SLC38A12: variants seen among roughly 807,000 people sequenced by gnomAD.
SLC38A12 encodes putative sodium-coupled neutral amino acid transporter 12.
chr17:74,804,830 C>T, the SLC38A12 span, among the ~76,000 whole-genome samples: 1 of 152,230 alleles, frequency 6.6e-6, no homozygotes, highest in African/African-American at 2.4e-5. Context: ...CCAGTTCTGG[C>T]GCCTTCTCCC....
chr17:74,834,427 C>T, the SLC38A12 span, among the ~76,000 whole-genome samples: 1 of 152,120 alleles, frequency 6.6e-6, no homozygotes, highest in African/African-American at 2.4e-5. Flanking sequence ...TCCACGCTCC[C>T]CTCCTCCCCT....
At chr17:74,807,707 G>A in the SLC38A12 span, among the ~76,000 whole-genome samples, 1 of 152,214 alleles carries the variant, frequency 6.6e-6, no homozygotes, top group African/African-American at 2.4e-5. Context: ...CTCGTCACCC[G>A]TCTCTTTCTC....
chr17:74,788,588 G>A, the SLC38A12 span, among the ~76,000 whole-genome samples: 9 of 152,238 alleles, frequency 5.9e-5, no homozygotes, highest in Admixed American at 2.0e-4. Flanking sequence ...CTCGTGCACC[G>A]GAAATACGTT....
the SLC38A12 span, chr17:74,819,658 G>C: frequency 1.6e-6 from 2 of 1,270,176 alleles, no homozygotes; most frequent in South Asian, 1.2e-5. Context: ...CCTTAGCTAT[G>C]GGCGGAGGCC....
the SLC38A12 span, among the ~76,000 whole-genome samples, chr17:74,808,789 G>A: frequency 9.2e-5 from 14 of 152,200 alleles, no homozygotes; most frequent in Non-Finnish European, 1.8e-4. Flanking sequence ...GGTGGGTGGA[G>A]TTTGCTGCCT....
chr17:74,808,450 G>A, the SLC38A12 span, among the ~76,000 whole-genome samples: 11 of 152,356 alleles, frequency 7.2e-5, no homozygotes, highest in African/African-American at 2.6e-4. Context: ...AGGTGCAGGT[G>A]TCTGCAGGGA....
At chr17:74,829,162 C>T in the SLC38A12 span, among the ~76,000 whole-genome samples, 1 of 152,114 alleles carries the variant, frequency 6.6e-6, no homozygotes, top group Non-Finnish European at 1.5e-5. This position sits in a 1 kb window ranked among gnomAD's most constrained non-coding sequence, Gnocchi z 4.1. Context: ...CTCGCTCTGT[C>T]ACCCAGGCTG....
At chr17:74,819,619 C>T in the SLC38A12 span, 1 of 792,902 alleles carries the variant, frequency 1.3e-6, no homozygotes, top group Non-Finnish European at 2.1e-6. Flanking sequence ...GAGCCTCTGC[C>T]AGTCCAGGTG....
the SLC38A12 span, among the ~76,000 whole-genome samples, chr17:74,802,286 A>G: frequency 6.6e-6 from 1 of 152,140 alleles, no homozygotes. Context: ...CACCTTGGCC[A>G]ATACCTATGC....
At chr17:74,793,877 C>T in the SLC38A12 span, among the ~76,000 whole-genome samples, 319 of 152,264 alleles carry the variant, frequency 2.1e-3, 3 homozygotes, top group African/African-American at 6.8e-3. Flanking sequence ...CTTTTCCCCC[C>T]CAGGCTCCTA....
At chr17:74,793,426 T>C in the SLC38A12 span, among the ~76,000 whole-genome samples, 1 of 152,234 alleles carries the variant, frequency 6.6e-6, no homozygotes, top group East Asian at 1.9e-4. Flanking sequence ...GACTGCCAGA[T>C]TGTCATCTTC....
chr17:74,817,299 A>G, the SLC38A12 span, among the ~76,000 whole-genome samples: 2 of 152,112 alleles, frequency 1.3e-5, 1 homozygote, highest in South Asian at 4.2e-4. Context: ...AGCCTTCCCA[A>G]GCGTTATGGT....
At chr17:74,790,373 G>T in the SLC38A12 span, 2 of 1,319,394 alleles carry the variant, frequency 1.5e-6, no homozygotes, top group South Asian at 1.2e-5. Context: ...GAGGGCCCTG[G>T]AGAGGCTCCC....
the SLC38A12 span, among the ~76,000 whole-genome samples, chr17:74,815,229 G>A: frequency 6.6e-6 from 1 of 152,156 alleles, no homozygotes. Context: ...GTGTGTTAGC[G>A]CTTGGCAGAG....
the SLC38A12 span, chr17:74,838,767 C>A: frequency 6.8e-7 from 1 of 1,474,268 alleles, no homozygotes. Flanking sequence ...GGGCAGAGAA[C>A]CCCAACAGCA....
the SLC38A12 span, among the ~76,000 whole-genome samples, chr17:74,801,130 G>C: frequency 2.0e-5 from 3 of 152,172 alleles, no homozygotes; most frequent in African/African-American, 7.2e-5. Context: ...GACCATGTAG[G>C]GGCTCACTGG....
the SLC38A12 span, among the ~76,000 whole-genome samples, chr17:74,783,122 T>C: frequency 6.6e-6 from 1 of 152,114 alleles, no homozygotes; most frequent in Non-Finnish European, 1.5e-5. Context: ...AGAGCGAGAC[T>C]CCGTCTCAAA....
chr17:74,778,792 C>G, the SLC38A12 span, among the ~76,000 whole-genome samples: 4 of 151,746 alleles, frequency 2.6e-5, no homozygotes, highest in African/African-American at 9.7e-5. Flanking sequence ...CCCCACCCTC[C>G]CAAGTAGCTG....
At chr17:74,819,596 A>G in the SLC38A12 span, among the ~76,000 whole-genome samples, 27 of 152,280 alleles carry the variant, frequency 1.8e-4, no homozygotes, top group African/African-American at 6.5e-4. Flanking sequence ...CACTTACCCA[A>G]GGTGACCCCA....
Sources: allele counts gnomAD v4.1 joint callset (sites outside exome capture counted in the v4.1 genomes callset), GRCh38; gene constraint gnomAD v4.1.1; non-coding constraint Gnocchi (gnomAD v3.1); transcripts MANE v1.5; gene names NCBI Gene and HGNC (gene_info 2026-07-23, HGNC 2026-07-21).